The following SDK2 variants were observed in gnomAD, a reference collection of about 807,000 sequenced individuals.
SDK2 encodes the protein sidekick cell adhesion molecule 2.
Under a neutral mutation model 253.9 loss-of-function variants are expected in SDK2, and 105 were observed. The ratio of observed to expected loss-of-function variants is 0.41; its 90% CI spans 0.35 to 0.49. SDK2 has a LOEUF of 0.49. Among genes scored for constraint, SDK2 ranks in the 20% least tolerant of loss-of-function variants. The pLI is 0.06. For synonymous variants in SDK2, 1,249 were observed against 1,234.9 expected, an observed-to-expected ratio of 1.01 and a Z score of -0.24; for missense variants, 2,608 against 3,003.0, an observed-to-expected ratio of 0.87 and a Z score of 3.07.
chr17:73,586,694 T>A (rs1285216195), intron 1 of SDK2, among the ~76,000 whole-genome samples: 1 of 152,162 alleles, frequency 6.6e-6, no homozygotes, highest in Non-Finnish European at 1.5e-5. Context: ...CTCAACCACC[T>A]CCCATGACGT....
chr17:73,579,702 C>T (rs540031514), intron 1 of SDK2, among the ~76,000 whole-genome samples: 19 of 152,262 alleles, frequency 1.2e-4, no homozygotes, highest in South Asian at 2.1e-4. Context: ...AGAGGCTGGA[C>T]GCGGTGGCTC....
At chr17:73,487,181 G>A (rs1036025656) in intron 2 of SDK2, among the ~76,000 whole-genome samples, 6 of 152,148 alleles carry the variant, frequency 3.9e-5, no homozygotes, top group East Asian at 1.9e-4. Flanking sequence ...TGATCCACCC[G>A]CCTCAGCCTC....
rs185188181 is a variant in SDK2 at position 73,601,961 on chromosome 17, C to T, written c.64+42064G>A. On this transcript the variant is annotated intron_variant, in intron 1 of 44. Coordinates refer to ENST00000392650, the MANE Select transcript of SDK2 (RefSeq NM_001144952.2). ...ATTTTGCCATGTTGGCCAGGCTGGT[C>T]TCGAACTCCTCACCTCAGGTGATCC... Among the ~76,000 whole-genome samples the T allele has an allele frequency of 1.2e-3, 186 of 152,328 alleles. 1 individual carries two copies. Among genetic ancestry groups the T allele is most frequent in the African/African-American group, 4.3e-3 (180 of 41,570 alleles).
In SDK2 at chr17:73,570,296, C is replaced by T. The variant is rs959505042; in HGVS notation, c.65-62699G>A. 6.6e-5 allele frequency among the ~76,000 whole-genome samples: 10 copies of T among 152,236 alleles called. No homozygotes were observed. Among genetic ancestry groups the T allele is most frequent in the Admixed American group, 4.6e-4 (7 of 15,302 alleles). ...TAGGAGTGGTAGACCCCGTCTACAC[C>T]GGGTCCAGAAACCACACAACCCATA... is the stretch of plus-strand genomic sequence containing the variant. On this transcript the variant is annotated intron_variant, in intron 1 of 44. Transcript: ENST00000392650. This position sits in a 1 kb window ranked among gnomAD's most constrained non-coding sequence, Gnocchi z 4.2.
chr17:73,380,967 C>CGGG lies in SDK2; in HGVS notation c.4706-18_4706-17insCCC. The CGGG allele has an allele frequency of 4.1e-6, 4 of 985,088 alleles. No homozygotes were observed. Among genetic ancestry groups the CGGG allele is most frequent in the South Asian group, 1.4e-5 (1 of 73,234 alleles). The allele number at this position is 985,088 out of a possible 1,614,324, so 61.0% of individuals were successfully genotyped here. ...AGTACATGGCTATGGGGTGGGGGTG[C>CGGG]CGGGGCGGGGGCGCAGAGGGAGACA... On this transcript the variant is annotated splice_polypyrimidine_tract_variant and intron_variant, in intron 33 of 44. Coordinates refer to ENST00000392650, the MANE Select transcript of SDK2 (RefSeq NM_001144952.2).
At position 73,387,942 on chromosome 17, in the gene SDK2, A is replaced by G. The variant is rs2062887346; in HGVS notation, c.4288T>C (p.Ser1430Pro). 1 of 1,580,714 alleles carries G rather than the reference A, an allele frequency of 6.3e-7. No homozygotes were observed. The highest frequency in any genetic ancestry group is 1.8e-5 in the Admixed American group (1 of 54,848). The part of the protein sequence containing the change: ...LSWEPGSDGL[S>P]PVRYYTIQTR... Reference sequence around the variant, plus strand: ...TGGATGGTGTAGTAGCGCACAGGGGAGAGCCCGTCGCTCCCTGGCTCCCAG... The same window carrying G: ...TGGATGGTGTAGTAGCGCACAGGGGGGAGCCCGTCGCTCCCTGGCTCCCAG... The change falls in exon 30 of 45, where the codon TCC becomes CCC. Residue 1430 changes from serine (S) to proline (P), a missense_variant. This residue lies in a region of SDK2 where 1,103 missense variants were observed against 1,143.9 expected (regional missense o/e 0.96). Coordinates refer to ENST00000392650, the MANE Select transcript of SDK2 (RefSeq NM_001144952.2).
intron 3 of SDK2, among the ~76,000 whole-genome samples, chr17:73,471,431 CT>C (rs1192685970): frequency 6.6e-6 from 1 of 152,116 alleles, no homozygotes; most frequent in East Asian, 1.9e-4. Context: ...AACCCTATCT[CT>C]ACTAAAAATA....
chr17:73,352,008 A>G lies in SDK2; in HGVS notation c.5758+465T>C, dbSNP rs2062542983. On this transcript the variant is annotated intron_variant, in intron 41 of 44. Transcript: ENST00000392650. The surrounding 1 kb of genome is among the most constrained non-coding windows in gnomAD (Gnocchi z 4.1). ...CAAGACATGCCAGATAGGAAGAATG[A>G]GGGGAGGAAAATGGGAGGGGTGGTG... 6.6e-6 allele frequency among the ~76,000 whole-genome samples: 1 copy of G among 151,892 alleles called. No homozygotes were observed. The highest frequency in any genetic ancestry group is 1.5e-5 in the Non-Finnish European group (1 of 67,992).
intron 2 of SDK2, among the ~76,000 whole-genome samples, chr17:73,506,433 C>T (rs114967458): frequency 0.016 from 2,389 of 152,272 alleles, 60 homozygotes; most frequent in African/African-American, 0.053. Context: ...CCAGCCCATG[C>T]AGTCCAGGGT....
intron 1 of SDK2, among the ~76,000 whole-genome samples, chr17:73,560,816 C>T (rs1411136939): frequency 6.6e-6 from 1 of 152,224 alleles, no homozygotes; most frequent in African/African-American, 2.4e-5. Context: ...GATCATGGAG[C>T]CACTGGTGCC....
At chr17:73,637,773 G>A (rs2046350828) in intron 1 of SDK2, among the ~76,000 whole-genome samples, 1 of 152,216 alleles carries the variant, frequency 6.6e-6, no homozygotes, top group Admixed American at 6.5e-5. Flanking sequence ...ATGTATGAAT[G>A]GCATTACCCC....
intron 1 of SDK2, among the ~76,000 whole-genome samples, chr17:73,580,711 T>G (rs1489461772): frequency 6.6e-6 from 1 of 152,254 alleles, no homozygotes; most frequent in African/African-American, 2.4e-5. Context: ...AAGGTTGGTA[T>G]TTTAGTACAG....
At chr17:73,621,268 G>A (rs927852093) in intron 1 of SDK2, among the ~76,000 whole-genome samples, 2 of 152,172 alleles carry the variant, frequency 1.3e-5, no homozygotes, top group African/African-American at 4.8e-5. Flanking sequence ...CTGCCCCAAG[G>A]GAGAGTTTGC....
At chr17:73,482,595 C>T (rs2063732723) in intron 2 of SDK2, among the ~76,000 whole-genome samples, 1 of 152,234 alleles carries the variant, frequency 6.6e-6, no homozygotes, top group Admixed American at 6.5e-5. Flanking sequence ...CTTGCGATGG[C>T]TGGGGGAAGG....
chr17:73,427,980 C>T (rs542934466), intron 12 of SDK2, among the ~76,000 whole-genome samples: 3 of 152,112 alleles, frequency 2.0e-5, no homozygotes, highest in African/African-American at 4.8e-5. Flanking sequence ...CCAAAATCTA[C>T]AAAGAACTCT....
At chr17:73,438,652 A>G (rs529577430) in intron 6 of SDK2, among the ~76,000 whole-genome samples, 1 of 151,988 alleles carries the variant, frequency 6.6e-6, no homozygotes, top group East Asian at 1.9e-4. Flanking sequence ...ACAGACAGAC[A>G]GACAGAAAAA....
rs997824297 is a variant in SDK2, at chr17:73,541,403, G to C, written c.65-33806C>G. 2.6e-5 allele frequency among the ~76,000 whole-genome samples: 4 copies of C among 152,052 alleles called. No individual in the cohort carries two copies. The highest frequency in any genetic ancestry group is 5.9e-5 in the Non-Finnish European group (4 of 68,006). On this transcript the variant is annotated intron_variant, in intron 1 of 44. Transcript: ENST00000392650. This position sits in a 1 kb window ranked among gnomAD's most constrained non-coding sequence, Gnocchi z 4.3. ...ACATCAGAAGGACCAAGGCTAGCTC[G>C]GGCAGCACACTTAGCACATGGGCGC...
At chr17:73,572,698 C>CTGAA (rs1341008170) in intron 1 of SDK2, among the ~76,000 whole-genome samples, 2 of 152,172 alleles carry the variant, frequency 1.3e-5, no homozygotes, top group African/African-American at 4.8e-5. Flanking sequence ...GACTGACTGA[C>CTGAA]TGAATGAATG....
chr17:73,358,619 T>C (rs916281390), intron 39 of SDK2, among the ~76,000 whole-genome samples: 2 of 151,830 alleles, frequency 1.3e-5, no homozygotes, highest in Admixed American at 6.6e-5. Context: ...TGGTGGGGAA[T>C]AGAGGTGGGT....
Sources: allele counts gnomAD v4.1 joint callset (sites outside exome capture counted in the v4.1 genomes callset), GRCh38; gene constraint gnomAD v4.1.1; regional missense constraint gnomAD v4.1.1; non-coding constraint Gnocchi (gnomAD v3.1); transcripts MANE v1.5; gene names NCBI Gene and HGNC (gene_info 2026-07-23, HGNC 2026-07-21).